The following MTMR11 variants were observed in gnomAD, a reference collection of about 807,000 sequenced individuals.
MTMR11 encodes the protein myotubularin related protein 11.
Under a neutral mutation model 100.0 loss-of-function variants are expected in MTMR11, and 89 were observed. The ratio of observed to expected loss-of-function variants is 0.89; its 90% confidence interval spans 0.75 to 1.06. MTMR11 has a LOEUF of 1.06. Ranked by LOEUF, MTMR11 falls within the 50% of genes least tolerant of loss-of-function variation. The probability of loss-of-function intolerance (pLI) is 0.00; values close to 1 mark genes in which losing one functional copy is unlikely to be tolerated. For missense variants in MTMR11, 809 were observed against 873.7 expected (o/e 0.93, Z 0.93); for synonymous variants, 336 against 326.3 (o/e 1.03, Z -0.32).
In MTMR11 at chr1:149,929,157, T is replaced by C. The variant is rs781951640; in HGVS notation, c.2102A>G (p.Lys701Arg). ...CCCCAGATCCCCCTCTGCCCTGCCT[T>C]TGAGAATGCCAGCAATTTCAGTGGG... ...LNPTEIAGIL[K>R]GRAEGDLG Residue 701 changes from lysine to arginine, a missense_variant, in exon 17 of 17, where the codon AAA (lysine) becomes AGA (arginine). Physicochemically the swap from Lys to Arg is conservative, Grantham distance 26 (BLOSUM62 2). Coordinates refer to ENST00000439741, the MANE Select transcript of MTMR11 (RefSeq NM_001145862.2). The C allele has an allele frequency of 3.1e-6, 5 of 1,614,034 alleles. No homozygotes were observed. The South Asian group carries it at 5.5e-5, about 18-fold the overall frequency.
rs1553766721 is a variant in MTMR11 at position 149,929,104 on chromosome 1, A to G, written c.*25T>C. 1.9e-6 allele frequency: 3 copies of G among 1,568,360 alleles called. No individual in the cohort carries two copies. Among genetic ancestry groups the G allele is most frequent in the African/African-American group, 1.4e-5 (1 of 72,406 alleles). Reference sequence around the variant, plus strand: ...TGCAAGTGCAGATACAAAAAAAAAAAAAAAAGATTAGACAGAACCCTCCTC... The same window carrying G: ...TGCAAGTGCAGATACAAAAAAAAAAGAAAAAGATTAGACAGAACCCTCCTC... On this transcript the variant is annotated 3_prime_UTR_variant, in exon 17 of 17. Transcript: ENST00000439741.
Position 149,929,851 on chromosome 1 carries a change from G to A in MTMR11, c.1713C>T (p.Pro571=), listed in dbSNP as rs781897012. The change falls in exon 16 of 17, where the codon CCC becomes CCT. Residue 571 remains proline (P), a synonymous_variant. Transcript: ENST00000439741. ...CCCGCCAAGGACAGAGCTGATTCAG[G>A]GGGGTCAATGCTCCTCTAGAGAAGA... ...VWLFSRGALT[P]LNQLCPWRDS... The A allele has an allele frequency of 1.9e-6, 3 of 1,614,074 alleles. No homozygotes were observed. Among genetic ancestry groups the A allele is most frequent in the African/African-American group, 2.7e-5 (2 of 74,926 alleles).
intron 15 of MTMR11, 143 bp from the exon 16 acceptor site, chr1:149,930,059 T>G (rs2092637891): frequency 1.2e-5 from 11 of 910,270 alleles, no homozygotes; most frequent in Non-Finnish European, 3.3e-6. Context: ...AGAACTCTTC[T>G]ACCCTCCTCA....
chr1:149,933,493 C>T lies in MTMR11; in HGVS notation c.898G>A (p.Val300Ile), dbSNP rs1217732774. Residue 300 changes from valine to isoleucine, a missense_variant, in exon 10 of 17, where the codon GTT becomes ATT. Transcript: ENST00000439741. The stretch of plus-strand genomic sequence containing the variant: ...TCATCCATAGTGTCTACCAGGACAA[C>T]ATCTGAATGCCCAGCCTGGAGCATC... ...ELMLQAGHSD[V>I]VLVDTMDELP... 1 of 1,614,108 alleles carries T rather than the reference C, an allele frequency of 6.2e-7. No homozygotes were observed. The highest frequency in any genetic ancestry group is 8.5e-7 in the Non-Finnish European group (1 of 1,179,996).
intron 10 of MTMR11, among the ~76,000 whole-genome samples, 198 bp downstream of exon 10, chr1:149,933,208 G>A (rs782402927): frequency 9.3e-4 from 142 of 151,982 alleles, no homozygotes; most frequent in Non-Finnish European, 1.9e-3. Flanking sequence ...TGCCCACCTC[G>A]GCCTCCCATA....
At chr1:149,931,019 T>C (rs2092652536) in intron 13 of MTMR11, 54 bp from the exon 14 acceptor site, 2 of 1,493,804 alleles carry the variant, frequency 1.3e-6, no homozygotes, top group African/African-American at 1.4e-5. Context: ...AGAGGGAGGA[T>C]GACGAGATGA....
chr1:149,930,753 T>C lies in MTMR11; in HGVS notation c.1464+39A>G, dbSNP rs373596765. On this transcript the variant is annotated intron_variant, in intron 14 of 16. Coordinates refer to ENST00000439741, the MANE Select transcript of MTMR11 (RefSeq NM_001145862.2). ...CCAAACTTCAGAGAGTACATCTCAATGGAAAAAAAAACACGAGTCAAAAAT... is the reference window on the plus strand; with the variant it reads ...CCAAACTTCAGAGAGTACATCTCAACGGAAAAAAAAACACGAGTCAAAAAT... 1.0e-3 allele frequency: 1,584 copies of C among 1,512,374 alleles called. 2 individuals carry two copies. The highest frequency in any genetic ancestry group is 3.3e-3 in the South Asian group (250 of 74,740). 93.7% of individuals were successfully genotyped at this position (1,512,374 alleles called of 1,614,324 possible). A position where few individuals can be genotyped will look rare whatever the true frequency, so the allele number is the denominator to read the frequency against.
In MTMR11 at chr1:149,930,847, TCAGGAAC is replaced by T; in HGVS notation, c.1402_1408del (p.Val468ThrfsTer6). ...GGTATTTCTCAGGAAGGTAAGGGTG[TCAGGAAC>T]CCTGACACTGTCATGAAGAGCAAGA... On this transcript the variant is annotated frameshift_variant, in exon 14 of 17. Transcript: ENST00000439741. LOFTEE classifies it high-confidence loss of function. 6.2e-7 allele frequency: 1 copy of T among 1,609,510 alleles called. No homozygotes were observed. Among genetic ancestry groups the T allele is most frequent in the Non-Finnish European group, 8.5e-7 (1 of 1,178,430 alleles).
At chr1:149,936,482 C>T in intron 1 of MTMR11, 100 bp downstream of exon 1, 1 of 1,106,076 alleles carries the variant, frequency 9.0e-7, no homozygotes, top group Non-Finnish European at 1.3e-6. Context: ...ACAGACACAC[C>T]CTCCTCCTCC....
intron 4 of MTMR11, 52 bp from the exon 5 acceptor site, chr1:149,935,180 A>G: frequency 6.2e-7 from 1 of 1,610,784 alleles, no homozygotes; most frequent in Non-Finnish European, 8.5e-7. Context: ...GTCTCTCCAG[A>G]AGGGACTCTT....
At position 149,932,012 on chromosome 1, in the gene MTMR11, G is replaced by C; in HGVS notation, c.1055C>G (p.Ala352Gly). The C allele has an allele frequency of 6.2e-7, 1 of 1,613,004 alleles. No individual in the cohort carries two copies. The highest frequency in any genetic ancestry group is 8.5e-7 in the Non-Finnish European group (1 of 1,178,968). Residue 352 changes from alanine to glycine, a missense_variant and splice_region_variant, in exon 12 of 17, where the codon GCT becomes GGT. By Grantham distance (60) the Ala-to-Gly change is moderately conservative. Coordinates refer to ENST00000439741, the MANE Select transcript of MTMR11 (RefSeq NM_001145862.2). ...EGTRWLDYVRACLRKASDISV... is the reference protein window; with the variant it reads ...EGTRWLDYVRGCLRKASDISV... ...AATGTCACTGGCCTTTCGAAGACAA[G>C]CCCTGGAGGAGCAGGTGAGGAAGAG...
Position 149,929,780 on chromosome 1 carries a change from G to C in MTMR11, c.1784C>G (p.Pro595Arg), listed in dbSNP as rs369539251. 2 of 1,614,202 alleles carry C rather than the reference G, an allele frequency of 1.2e-6. No individual in the cohort carries two copies. The highest frequency in any genetic ancestry group is 1.7e-6 in the Non-Finnish European group (2 of 1,180,034). The change falls in exon 16 of 17, where the codon CCT becomes CGT. Residue 595 changes from proline (P) to arginine (R), a missense_variant. Physicochemically the swap from Pro to Arg is moderately radical, Grantham distance 103. Coordinates refer to ENST00000439741, the MANE Select transcript of MTMR11 (RefSeq NM_001145862.2). ...AGCCAGGCTTTCAGAGGAGATAGCA[G>C]GTCGAGGGAGCCAACGAGAAGAGAC... The part of the protein sequence containing the change: ...LAVSSRWLPR[P>R]AISSESLADQ...
chr1:149,930,329 A>T, intron 15 of MTMR11, 36 bp downstream of exon 15: 1 of 1,577,902 alleles, frequency 6.3e-7, no homozygotes, highest in East Asian at 2.2e-5. Context: ...AGCCTGTGGG[A>T]ACGTCAAGGG....
chr1:149,934,552 T>G (rs782762563), intron 5 of MTMR11, 26 bp from the exon 6 acceptor site: 1 of 1,609,830 alleles, frequency 6.2e-7, no homozygotes, highest in East Asian at 2.2e-5. Flanking sequence ...CATTCCATCC[T>G]TTTGGCTTAG....
chr1:149,929,229 G>T lies in MTMR11; in HGVS notation c.2030C>A (p.Ser677Tyr). Residue 677 changes from serine to tyrosine, a missense_variant, in exon 17 of 17, where the codon TCT (serine) becomes TAT (tyrosine). Physicochemically the swap from Ser to Tyr is moderately radical, Grantham distance 144. Transcript: ENST00000439741. ...TCTTTTCTTGGAGTGATCCTCAGGA[G>T]ATATTCTTGGTGTCCATTTCCGTAA... ...ELLRKWTPRISPEDHSKKRDP... is the reference protein window; with the variant it reads ...ELLRKWTPRIYPEDHSKKRDP... The T allele has an allele frequency of 6.2e-7, 1 of 1,614,086 alleles. No homozygotes were observed.
intron 7 of MTMR11, 100 bp from the exon 8 acceptor site, chr1:149,934,042 A>G (rs2092694223): frequency 6.5e-7 from 1 of 1,543,202 alleles, no homozygotes; most frequent in Non-Finnish European, 8.9e-7. Flanking sequence ...ATTCCAAGGG[A>G]TTTCAGGTTT....
At position 149,929,848 on chromosome 1, in the gene MTMR11, C is replaced by G. The variant is rs144874414; in HGVS notation, c.1716G>C (p.Leu572=). ...WLFSRGALTP[L]NQLCPWRDSP... ...TGTCCCGCCAAGGACAGAGCTGATT[C>G]AGGGGGGTCAATGCTCCTCTAGAGA... Residue 572 remains leucine (L), a synonymous_variant, in exon 16 of 17, where the codon CTG becomes CTC. Coordinates refer to ENST00000439741, the MANE Select transcript of MTMR11 (RefSeq NM_001145862.2). 1.1e-5 allele frequency: 17 copies of G among 1,614,048 alleles called. No homozygotes were observed. The East Asian group carries it at 1.6e-4, about 15-fold the overall frequency.
intron 3 of MTMR11, 103 bp downstream of exon 3, chr1:149,935,481 C>T (rs941264046): frequency 1.3e-6 from 2 of 1,575,174 alleles, no homozygotes; most frequent in Admixed American, 1.7e-5. Context: ...ATCAATGATA[C>T]ATTCAAAAGA....
rs782664362 is a variant in MTMR11, at chr1:149,929,715, G to C, written c.1849C>G (p.Pro617Ala). 53 of 1,614,032 alleles carry C rather than the reference G, an allele frequency of 3.3e-5. No individual in the cohort carries two copies. The highest frequency in any genetic ancestry group is 4.4e-5 in the Non-Finnish European group (52 of 1,180,032). The change falls in exon 16 of 17, where the codon CCT becomes GCT. Residue 617 changes from proline (P) to alanine (A), a missense_variant. Physicochemically the swap from Pro to Ala is conservative, Grantham distance 27. Transcript: ENST00000439741. ...WGLPSHWGAC[P>A]LPPGLLLPGY... ...GGCAGCAGCAGCCCTGGAGGTAAAG[G>C]GCAAGCTCCCCAATGTGAGGGGAGA...
Sources: allele counts gnomAD v4.1 joint callset (sites outside exome capture counted in the v4.1 genomes callset), GRCh38; gene constraint gnomAD v4.1.1; transcripts MANE v1.5; gene names NCBI Gene and HGNC (gene_info 2026-07-23, HGNC 2026-07-21).